Variants in CSMD1 observed in about 807,000 individuals in gnomAD.
CSMD1 encodes CUB and Sushi multiple domains 1.
In CSMD1, 213 loss-of-function variants were observed where a neutral mutation model predicts 417.5. That is an observed-to-expected ratio of 0.51 (90% CI 0.46 to 0.57). The LOEUF (loss-of-function observed/expected upper bound fraction) is 0.57, where lower values mean the gene tolerates loss of function less well. Among genes scored for constraint, CSMD1 ranks in the 20% least tolerant of loss-of-function variants. The pLI is 0.00. For synonymous variants in CSMD1, 2,862 were observed against 1,736.8 expected (o/e 1.65, Z -16.11); for missense variants, 6,923 against 4,529.7 (o/e 1.53, Z -15.17).
chr8:3,405,901 G>A, intron 15 of CSMD1, 126 bp downstream of exon 15: 1 of 819,120 alleles, frequency 1.2e-6, no homozygotes, highest in Non-Finnish European at 1.9e-6. Flanking sequence ...TGTTGGTTAA[G>A]TGACTGTGTG....
intron 1 of CSMD1, among the ~76,000 whole-genome samples, chr8:4,888,930 TGAG>T (rs766749996): frequency 2.0e-5 from 3 of 152,036 alleles, no homozygotes; most frequent in Admixed American, 6.5e-5. Flanking sequence ...AGTTAATGAA[TGAG>T]GAGAAGGGAA....
intron 1 of CSMD1, among the ~76,000 whole-genome samples, chr8:4,944,083 G>T (rs377292570): frequency 6.6e-6 from 1 of 152,302 alleles, no homozygotes; most frequent in East Asian, 1.9e-4. Flanking sequence ...ACAGGAGGAA[G>T]TTTGGAGTAG....
At chr8:3,715,916 G>A (rs1191016104) in intron 6 of CSMD1, among the ~76,000 whole-genome samples, 1 of 152,214 alleles carries the variant, frequency 6.6e-6, no homozygotes, top group South Asian at 2.1e-4. Flanking sequence ...CTCTGCAGCT[G>A]CTGCAGCCCC....
At chr8:4,720,820 A>G (rs1211640102) in intron 1 of CSMD1, among the ~76,000 whole-genome samples, 1 of 152,174 alleles carries the variant, frequency 6.6e-6, no homozygotes, top group African/African-American at 2.4e-5. Flanking sequence ...AACAACGGCC[A>G]TAAGGAACAC....
At chr8:3,282,479 C>T (rs1451452561) in intron 26 of CSMD1, among the ~76,000 whole-genome samples, 5 of 152,016 alleles carry the variant, frequency 3.3e-5, no homozygotes, top group African/African-American at 1.2e-4. Flanking sequence ...TAAATAAGGC[C>T]AATGAATCAC....
chr8:3,258,360 C>T (rs893503692), intron 26 of CSMD1, among the ~76,000 whole-genome samples: 3 of 152,100 alleles, frequency 2.0e-5, no homozygotes, highest in South Asian at 4.1e-4. Flanking sequence ...CATCACTGAT[C>T]GTTAGAGAAA....
chr8:3,811,919 A>AC (rs1801113479), intron 5 of CSMD1, among the ~76,000 whole-genome samples: 1 of 152,178 alleles, frequency 6.6e-6, no homozygotes, highest in Non-Finnish European at 1.5e-5. Flanking sequence ...TTAACAAAGC[A>AC]CATATAGATA....
intron 2 of CSMD1, among the ~76,000 whole-genome samples, chr8:4,622,706 A>C (rs1011173633): frequency 6.6e-6 from 1 of 152,140 alleles, no homozygotes; most frequent in Non-Finnish European, 1.5e-5. Context: ...AATTCATTAC[A>C]TCCCACCTGT....
chr8:4,471,725 A>G (rs1219985717), intron 2 of CSMD1, among the ~76,000 whole-genome samples: 1 of 135,672 alleles, frequency 7.4e-6, no homozygotes, highest in African/African-American at 2.5e-5. Context: ...AAAATGCAGC[A>G]AACACGCGGA....
intron 3 of CSMD1, among the ~76,000 whole-genome samples, chr8:4,199,070 G>C (rs17069371): frequency 0.22 from 32,811 of 151,950 alleles, 4,096 homozygotes; most frequent in African/African-American, 0.34. Flanking sequence ...CAAAACCCCT[G>C]AGGTAGTAGA....
intron 2 of CSMD1, among the ~76,000 whole-genome samples, chr8:4,420,689 G>C (rs143250012): frequency 6.6e-6 from 1 of 152,138 alleles, no homozygotes; most frequent in African/African-American, 2.4e-5. Flanking sequence ...AAAAGTGAGT[G>C]AGATGGTCAG....
At chr8:4,529,190 G>A (rs1796671119) in intron 2 of CSMD1, among the ~76,000 whole-genome samples, 2 of 152,136 alleles carry the variant, frequency 1.3e-5, no homozygotes, top group South Asian at 4.1e-4. Flanking sequence ...CAGAAGCCAT[G>A]AGGTCAAAAC....
In CSMD1 at chr8:4,847,291, G is replaced by C. The variant is rs566784771; in HGVS notation, c.85+147041C>G. 3.9e-5 allele frequency among the ~76,000 whole-genome samples: 6 copies of C among 152,276 alleles called. No homozygotes were observed. The South Asian group carries it at 1.0e-3, about 26-fold the overall frequency. On this transcript the variant is annotated intron_variant, in intron 1 of 69. Coordinates refer to ENST00000635120, the MANE Select transcript of CSMD1 (RefSeq NM_033225.6). ...TTTAGAATCTCAAAGAAGATTTTAA[G>C]AGAATTGGCATAAATAATTTCAGAC...
intron 1 of CSMD1, among the ~76,000 whole-genome samples, chr8:4,808,460 A>T (rs1798712864): frequency 6.6e-6 from 1 of 152,228 alleles, no homozygotes. Flanking sequence ...AACTTACTTG[A>T]AGCTTGTATC....
chr8:4,520,199 C>A (rs1032908242), intron 2 of CSMD1, among the ~76,000 whole-genome samples: 1 of 152,108 alleles, frequency 6.6e-6, no homozygotes, highest in Admixed American at 6.5e-5. Context: ...AATGCAATAT[C>A]GTGGCAGAAA....
intron 54 of CSMD1, among the ~76,000 whole-genome samples, chr8:2,992,055 T>C (rs894504953): frequency 2.0e-5 from 3 of 152,242 alleles, no homozygotes; most frequent in African/African-American, 4.8e-5. Context: ...TGTGTATGTA[T>C]AGCAATTCTT....
intron 45 of CSMD1, chr8:3,106,896 T>G (rs1406017660): frequency 5.9e-6 from 2 of 336,168 alleles, no homozygotes; most frequent in African/African-American, 4.2e-5. Context: ...GAGGCATCCG[T>G]GTTGGTTTCC....
chr8:4,437,380 A>G (rs1042733247), intron 2 of CSMD1, among the ~76,000 whole-genome samples: 9 of 152,202 alleles, frequency 5.9e-5, no homozygotes, highest in Non-Finnish European at 1.0e-4. Flanking sequence ...GTATGTGAAC[A>G]ACTTACTGTA....
intron 3 of CSMD1, among the ~76,000 whole-genome samples, chr8:4,106,704 T>C (rs1158995369): frequency 6.6e-6 from 1 of 152,184 alleles, no homozygotes; most frequent in Non-Finnish European, 1.5e-5. Context: ...GTCTTTAAGA[T>C]CTGATGTGCG....
Sources: allele counts gnomAD v4.1 joint callset (sites outside exome capture counted in the v4.1 genomes callset), GRCh38; gene constraint gnomAD v4.1.1; transcripts MANE v1.5; gene names NCBI Gene and HGNC (gene_info 2026-07-23, HGNC 2026-07-21).